The following EXOC6 variants were observed in gnomAD, a reference collection of about 807,000 sequenced individuals.
EXOC6 encodes the protein SEC15-like 1.
A neutral mutation model predicts 112.5 loss-of-function variants in EXOC6; 60 were observed. The observed-to-expected ratio is 0.53, with a 90% CI of 0.43 to 0.66. The LOEUF (loss-of-function observed/expected upper bound fraction) is 0.66, where lower values mean the gene tolerates loss of function less well. Among genes scored for constraint, EXOC6 ranks in the 30% least tolerant of loss-of-function variants. EXOC6 has a pLI of 0.00. For missense variants in EXOC6, 855 were observed against 957.1 expected (o/e 0.89, Z 1.41); for synonymous variants, 295 against 308.0 (o/e 0.96, Z 0.44).
chr10:92,933,334 A>G (rs1852160932), intron 9 of EXOC6, among the ~76,000 whole-genome samples: 1 of 152,198 alleles, frequency 6.6e-6, no homozygotes, highest in Non-Finnish European at 1.5e-5. Flanking sequence ...TGGAATATAT[A>G]GAATCCTATT....
chr10:92,984,422 G>A (rs528577633), intron 18 of EXOC6, among the ~76,000 whole-genome samples: 1 of 152,086 alleles, frequency 6.6e-6, no homozygotes, highest in Non-Finnish European at 1.5e-5. Flanking sequence ...AACCAGTACC[G>A]GTTGCTCTCT....
chr10:92,972,714 C>T (rs1201653657), intron 17 of EXOC6, among the ~76,000 whole-genome samples: 1 of 152,162 alleles, frequency 6.6e-6, no homozygotes, highest in African/African-American at 2.4e-5. Flanking sequence ...CTTATCAGCC[C>T]ATAGCTTCTG....
At chr10:92,844,067 C>T (rs910928456), upstream of EXOC6, among the ~76,000 whole-genome samples, 8 of 147,804 alleles carry the variant, frequency 5.4e-5, no homozygotes, top group Non-Finnish European at 1.2e-4. Context: ...AGGGGAATCA[C>T]TTGAACTTGG....
chr10:92,844,374 T>G (rs754876124), upstream of EXOC6, among the ~76,000 whole-genome samples: 20 of 152,188 alleles, frequency 1.3e-4, no homozygotes, highest in Non-Finnish European at 2.4e-4. Context: ...CCATGATATG[T>G]GCTTCCAAGG....
chr10:92,862,336 C>A (rs1324028677), intron 1 of EXOC6, among the ~76,000 whole-genome samples: 1 of 151,958 alleles, frequency 6.6e-6, no homozygotes, highest in African/African-American at 2.4e-5. Context: ...TCATGCCCCC[C>A]CCCCATAATT....
chr10:92,832,033 G>A (rs1846500226), upstream of EXOC6, among the ~76,000 whole-genome samples: 1 of 152,156 alleles, frequency 6.6e-6, no homozygotes, highest in South Asian at 2.1e-4. Context: ...TGAATATGTG[G>A]CATTATTTAT....
Position 92,961,287 on chromosome 10 carries a change from T to G in EXOC6, c.1773+5573T>G, listed in dbSNP as rs12249065. 7.9e-3 allele frequency among the ~76,000 whole-genome samples: 1,197 copies of G among 152,296 alleles called. 20 individuals carry two copies. Among genetic ancestry groups the G allele is most frequent in the African/African-American group, 0.028 (1,152 of 41,578 alleles). On this transcript the variant is annotated intron_variant, in intron 17 of 21. Transcript: ENST00000260762. ...TTCCTTTGTAAAATTCATTTTATTG[T>G]GTATGCAATTTGATTGCCATTTTAA...
chr10:92,851,632 G>A (rs1847341381), intron 1 of EXOC6, among the ~76,000 whole-genome samples: 1 of 151,506 alleles, frequency 6.6e-6, no homozygotes, highest in South Asian at 2.1e-4. Context: ...CCTGAGCGAC[G>A]GAGCGAGACT....
In EXOC6 at chr10:92,896,083, G is replaced by GTATA. The variant is rs200260390; in HGVS notation, c.412+1071_412+1074dup. ...TGTATATATATGTGTATATATATGT[G>GTATA]TATATATATATGTGTGTATATATAT... is the stretch of plus-strand genomic sequence containing the variant. On this transcript the variant is annotated intron_variant, in intron 4 of 21. Coordinates refer to ENST00000260762, the MANE Select transcript of EXOC6 (RefSeq NM_019053.6). Among the ~76,000 whole-genome samples, 762 of 92,438 alleles carry GTATA rather than the reference G, an allele frequency of 8.2e-3. 39 individuals are homozygous for GTATA. Among genetic ancestry groups the GTATA allele is most frequent in the African/African-American group, 0.019 (460 of 24,696 alleles). 60.6% of individuals were successfully genotyped at this position (92,438 alleles called of 152,430 possible). A position where few individuals can be genotyped will look rare whatever the true frequency, so the allele number is the denominator to read the frequency against.
Position 92,909,526 on chromosome 10 carries a change from C to T in EXOC6, c.558C>T (p.Pro186=), listed in dbSNP as rs749475066. 1.2e-6 allele frequency: 2 copies of T among 1,613,212 alleles called. No homozygotes were observed. Among genetic ancestry groups the T allele is most frequent in the Non-Finnish European group, 1.7e-6 (2 of 1,179,382 alleles). Reference sequence around the variant, plus strand: ...GTCAGCTCATGATAGAAAATCTTCCCAAACTCCGTGAGGATATTAAAGAAA... The same window carrying T: ...GTCAGCTCATGATAGAAAATCTTCCTAAACTCCGTGAGGATATTAAAGAAA... ...RFCQLMIENL[P]KLREDIKEIS... The change falls in exon 6 of 22, where the codon CCC becomes CCT. Residue 186 remains proline, a synonymous_variant. Coordinates refer to ENST00000260762, the MANE Select transcript of EXOC6 (RefSeq NM_019053.6).
intron 12 of EXOC6, among the ~76,000 whole-genome samples, chr10:92,937,299 T>C (rs1229421492): frequency 1.3e-5 from 2 of 152,288 alleles, no homozygotes; most frequent in Non-Finnish European, 1.5e-5. Context: ...CTGAAAACTT[T>C]TCTGAGAGCA....
intron 20 of EXOC6, among the ~76,000 whole-genome samples, chr10:93,035,838 G>C (rs1845491315): frequency 6.6e-6 from 1 of 151,452 alleles, no homozygotes; most frequent in African/African-American, 2.4e-5. Flanking sequence ...CTGGATGACA[G>C]ATCAAGACTC....
At chr10:92,856,140 A>G (rs1385060473) in intron 1 of EXOC6, among the ~76,000 whole-genome samples, 1 of 152,050 alleles carries the variant, frequency 6.6e-6, no homozygotes, top group East Asian at 1.9e-4. Context: ...CTGGGATTAC[A>G]GGCATGAGCC....
At chr10:92,870,695 A>G (rs1848404226) in intron 1 of EXOC6, among the ~76,000 whole-genome samples, 1 of 151,798 alleles carries the variant, frequency 6.6e-6, no homozygotes, top group Non-Finnish European at 1.5e-5. Flanking sequence ...GGCATTATAT[A>G]ATTAGTGTAG....
At chr10:92,907,343 A>G (rs1316531289) in intron 5 of EXOC6, among the ~76,000 whole-genome samples, 1 of 152,100 alleles carries the variant, frequency 6.6e-6, no homozygotes. Context: ...TGCTCTTCTT[A>G]TTGGTTAAGA....
chr10:93,001,119 G>A (rs1416919390), intron 19 of EXOC6, among the ~76,000 whole-genome samples: 1 of 152,160 alleles, frequency 6.6e-6, no homozygotes, highest in Non-Finnish European at 1.5e-5. Flanking sequence ...AATCTGGCTA[G>A]GTAGTAGAAA....
intron 18 of EXOC6, among the ~76,000 whole-genome samples, chr10:92,980,555 A>G (rs905425554): frequency 2.6e-5 from 4 of 152,000 alleles, no homozygotes; most frequent in Non-Finnish European, 5.9e-5. Context: ...TTTCATTCTT[A>G]TGACTTTGTA....
At chr10:92,841,557 T>G (rs1846852298) in intron 1 of EXOC6, among the ~76,000 whole-genome samples, 2 of 152,236 alleles carry the variant, frequency 1.3e-5, no homozygotes, top group Admixed American at 1.3e-4. Context: ...TTGCTGCATC[T>G]GTTGCACCTC....
rs1412702295 is a variant in EXOC6, at chr10:93,013,538, G to A, written c.2096-656G>A. On this transcript the variant is annotated intron_variant, in intron 19 of 21. Coordinates refer to ENST00000260762, the MANE Select transcript of EXOC6 (RefSeq NM_019053.6). ...TAGGAGAATCACTTGAACCTGGGAGGCAGAGGTTGCAATGAGCCGAGATGG... is the reference window on the plus strand; with the variant it reads ...TAGGAGAATCACTTGAACCTGGGAGACAGAGGTTGCAATGAGCCGAGATGG... 4.6e-5 allele frequency among the ~76,000 whole-genome samples: 7 copies of A among 152,230 alleles called. No homozygotes were observed. The East Asian group carries it at 1.2e-3, about 25-fold the overall frequency.
Sources: gnomAD v4.1 joint callset for allele counts (sites outside exome capture counted in the v4.1 genomes callset) on GRCh38, gnomAD v4.1.1 for gene constraint, MANE v1.5 for transcripts, NCBI Gene and HGNC (gene_info 2026-07-23, HGNC 2026-07-21) for gene names.